The following PCYT1B variants were observed in gnomAD, a reference collection of about 807,000 sequenced individuals.
The protein encoded by PCYT1B is choline-phosphate cytidylyltransferase B.
In PCYT1B, 10 loss-of-function variants were observed where a neutral mutation model predicts 26.4. The observed-to-expected ratio is 0.38, with a 90% confidence interval of 0.23 to 0.64. The LOEUF (loss-of-function observed/expected upper bound fraction) is 0.64. PCYT1B is among the 30% of genes least tolerant of loss of function. PCYT1B has a pLI of 0.56. For missense variants in PCYT1B, 161 were observed against 292.7 expected, an observed-to-expected ratio of 0.55 and a Z score of 3.28; for synonymous variants, 131 against 108.4, an observed-to-expected ratio of 1.21 and a Z score of -1.29.
chrX:24,672,587 G>A, exon 1 of PCYT1B: 1 of 1,205,342 alleles, frequency 8.3e-7, no homozygotes, highest in Non-Finnish European at 1.1e-6. Flanking sequence ...CACAATTGGG[G>A]AGCGCGATTG....
At chrX:24,669,591 T>C (rs1317418387) in intron 1 of PCYT1B, among the ~76,000 whole-genome samples, 2 of 108,804 alleles carry the variant, frequency 1.8e-5, no homozygotes, top group East Asian at 5.7e-4. Context: ...GTAATTAAAA[T>C]TCTAATTTAA....
Position 24,561,678 on chromosome X carries a change from A to G in PCYT1B, c.*615T>C, listed in dbSNP as rs1180927861. Reference sequence around the variant, plus strand: ...CTTTGAATAAAAAGTTAAGGTTCACACTAGATGACCTTTTATAACCAGCCT... The same window carrying G: ...CTTTGAATAAAAAGTTAAGGTTCACGCTAGATGACCTTTTATAACCAGCCT... On this transcript the variant is annotated 3_prime_UTR_variant, in exon 8 of 8. Coordinates refer to ENST00000379144, the MANE Select transcript of PCYT1B (RefSeq NM_004845.5). 6.8e-6 allele frequency: 1 copy of G among 148,145 alleles called. No individual in the cohort carries two copies. The highest frequency in any genetic ancestry group is 1.8e-4 in the East Asian group (1 of 5,635). The allele number at this position is 148,145 out of a possible 1,213,427, so 12.2% of individuals were successfully genotyped here. A position where few individuals can be genotyped will look rare whatever the true frequency, so the allele number is the denominator to read the frequency against.
chrX:24,588,481 T>C (rs930207765), intron 4 of PCYT1B, among the ~76,000 whole-genome samples: 1 of 112,151 alleles, frequency 8.9e-6, no homozygotes, highest in Non-Finnish European at 1.9e-5. Flanking sequence ...AAGCCCTTTA[T>C]AATGGGGTTT....
intron 1 of PCYT1B, among the ~76,000 whole-genome samples, chrX:24,634,317 A>G (rs1926204778): frequency 8.9e-6 from 1 of 112,169 alleles, no homozygotes; most frequent in Admixed American, 9.5e-5. Context: ...GGTGGCCTGC[A>G]TCGCCTGACA....
At chrX:24,602,459 A>C (rs1924998405) in intron 3 of PCYT1B, among the ~76,000 whole-genome samples, 2 of 111,511 alleles carry the variant, frequency 1.8e-5, no homozygotes, top group Admixed American at 1.9e-4. Flanking sequence ...GGACAATGTA[A>C]AATTTTATCC....
At chrX:24,609,166 G>C (rs189641829) in intron 2 of PCYT1B, among the ~76,000 whole-genome samples, 57 of 110,267 alleles carry the variant, frequency 5.2e-4, no homozygotes, top group East Asian at 1.7e-3. Flanking sequence ...TTTTTGTTTT[G>C]TTTTCTTTTT....
At chrX:24,671,341 G>C (rs1635268) in intron 1 of PCYT1B, among the ~76,000 whole-genome samples, 30,824 of 102,847 alleles carry the variant, frequency 0.3, 4,028 homozygotes, top group African/African-American at 0.42. Flanking sequence ...ATGAATGAAT[G>C]AATCAATCAA....
At chrX:24,629,538 T>A (rs1426206099) in intron 1 of PCYT1B, among the ~76,000 whole-genome samples, 6 of 70,070 alleles carry the variant, frequency 8.6e-5, no homozygotes, top group Non-Finnish European at 7.2e-5. Flanking sequence ...CCAGCCTGGG[T>A]GAAAGAGTGA....
intron 3 of PCYT1B, among the ~76,000 whole-genome samples, chrX:24,593,124 G>A (rs1273029547): frequency 9.0e-6 from 1 of 111,463 alleles, no homozygotes; most frequent in Non-Finnish European, 1.9e-5. Context: ...GTCTTATTTA[G>A]TTTTATTGTT....
At chrX:24,594,459 T>G (rs1252579103) in intron 3 of PCYT1B, among the ~76,000 whole-genome samples, 3 of 111,550 alleles carry the variant, frequency 2.7e-5, no homozygotes, top group African/African-American at 9.8e-5. Context: ...CATTTTCCAT[T>G]TTCTATTTTA....
At chrX:24,637,668 T>C (rs1203088763) in intron 1 of PCYT1B, among the ~76,000 whole-genome samples, 1 of 103,827 alleles carries the variant, frequency 9.6e-6, no homozygotes, top group East Asian at 3.2e-4. Flanking sequence ...ATCTCAAAAA[T>C]ATACATATGT....
chrX:24,585,546 C>G (rs1034243742), intron 5 of PCYT1B, among the ~76,000 whole-genome samples: 1 of 110,803 alleles, frequency 9.0e-6, no homozygotes, highest in Non-Finnish European at 1.9e-5. Flanking sequence ...GGGGAGGTGA[C>G]AGTCTCAGGC....
intron 1 of PCYT1B, among the ~76,000 whole-genome samples, chrX:24,634,476 G>C (rs1201396847): frequency 8.9e-6 from 1 of 111,773 alleles, no homozygotes. Flanking sequence ...GGCCGTGCGC[G>C]GTGGCTCACG....
At chrX:24,591,072 C>T (rs1198759758) in intron 3 of PCYT1B, among the ~76,000 whole-genome samples, 3 of 111,235 alleles carry the variant, frequency 2.7e-5, no homozygotes, top group Non-Finnish European at 5.7e-5. Context: ...GGATTATAGG[C>T]GTGAGCCACC....
At position 24,579,436 on chromosome X, in the gene PCYT1B, T is replaced by C. The variant is rs1924135245; in HGVS notation, c.588A>G (p.Arg196=). 1.7e-6 allele frequency: 2 copies of C among 1,210,155 alleles called. No homozygotes were observed. Among genetic ancestry groups the C allele is most frequent in the Non-Finnish European group, 2.2e-6 (2 of 894,283 alleles). Residue 196 remains arginine (R), a synonymous_variant, in exon 6 of 8, where the codon AGA becomes AGG. Coordinates refer to ENST00000379144, the MANE Select transcript of PCYT1B (RefSeq NM_004845.5). Reference sequence around the variant, plus strand: ...TGTCCGATGTTGAGATGCCTTCTGTTCTCTGCGTTGGAACGAACATCCCTG... The same window carrying C: ...TGTCCGATGTTGAGATGCCTTCTGTCCTCTGCGTTGGAACGAACATCCCTG... ...KEAGMFVPTQ[R]TEGISTSDII... is the part of the protein sequence containing the mutation.
At position 24,558,978 on chromosome X, in the gene PCYT1B, C is replaced by G. The variant is rs1226090883; in HGVS notation, c.*3315G>C. The G allele has an allele frequency of 9.0e-6, 1 of 111,716 alleles. No homozygotes were observed. Among genetic ancestry groups the G allele is most frequent in the Non-Finnish European group, 1.9e-5 (1 of 53,144 alleles). The allele number at this position is 111,716 out of a possible 1,213,427, so 9.2% of individuals were successfully genotyped here. On this transcript the variant is annotated 3_prime_UTR_variant, in exon 8 of 8. Transcript: ENST00000379144. ...TAACCTTGGTTGTGCGTAAAAGGAA[C>G]CCTTCCCTCTTCACCTGTCAGGGGG...
At chrX:24,657,650 G>A (rs954628178) in intron 1 of PCYT1B, among the ~76,000 whole-genome samples, 28 of 111,716 alleles carry the variant, frequency 2.5e-4, no homozygotes, top group African/African-American at 8.5e-4. Flanking sequence ...AATCTAACCA[G>A]GTTCAAGTCT....
chrX:24,568,204 C>T (rs12689847), intron 7 of PCYT1B, among the ~76,000 whole-genome samples: 4,399 of 111,282 alleles, frequency 0.04, 93 homozygotes, highest in East Asian at 0.092. Context: ...ACACGGTGCC[C>T]GACACAGGTG....
chrX:24,651,488 T>A (rs201022198), upstream of PCYT1B, among the ~76,000 whole-genome samples: 1,281 of 37,775 alleles, frequency 0.034, 94 homozygotes, highest in East Asian at 0.055. Context: ...TATATATATA[T>A]ATATATATAT....
Sources: allele counts gnomAD v4.1 joint callset (sites outside exome capture counted in the v4.1 genomes callset), GRCh38; gene constraint gnomAD v4.1.1; transcripts MANE v1.5; gene names NCBI Gene and HGNC (gene_info 2026-07-23, HGNC 2026-07-21).